The following DIXDC1 variants were observed in gnomAD, a reference collection of about 807,000 sequenced individuals.
DIXDC1 encodes dixin.
In DIXDC1, 64 loss-of-function variants were observed where a neutral mutation model predicts 103.1. That is an observed-to-expected ratio of 0.62 (90% CI 0.51 to 0.76). The LOEUF (loss-of-function observed/expected upper bound fraction) is 0.76, where lower values mean the gene tolerates loss of function less well. Ranked by LOEUF, DIXDC1 falls within the 30% of genes least tolerant of loss-of-function variation. The probability of loss-of-function intolerance (pLI) is 0.00; values close to 1 mark genes in which losing one functional copy is unlikely to be tolerated. For missense variants in DIXDC1, 759 were observed against 834.2 expected (o/e 0.91, Z 1.11); for synonymous variants, 266 against 298.5 (o/e 0.89, Z 1.12).
chr11:111,945,968 G>A (rs1272769092), intron 1 of DIXDC1, among the ~76,000 whole-genome samples: 1 of 131,218 alleles, frequency 7.6e-6, no homozygotes, highest in Non-Finnish European at 1.5e-5. Context: ...ATGGAGTCTC[G>A]TTCTGTCGCT....
chr11:112,016,349 A>G (rs1465977915), intron 17 of DIXDC1, among the ~76,000 whole-genome samples: 5 of 152,178 alleles, frequency 3.3e-5, no homozygotes, highest in African/African-American at 7.2e-5. Flanking sequence ...AAATATTGGC[A>G]GAGTCTACAG....
chr11:111,959,665 C>T (rs1859506846), intron 1 of DIXDC1, among the ~76,000 whole-genome samples: 2 of 152,224 alleles, frequency 1.3e-5, no homozygotes, highest in South Asian at 2.1e-4. Flanking sequence ...CAAAGTGACA[C>T]TCAAGGATCC....
At chr11:111,960,542 C>T (rs587642833) in intron 1 of DIXDC1, among the ~76,000 whole-genome samples, 6 of 149,486 alleles carry the variant, frequency 4.0e-5, no homozygotes, top group Admixed American at 2.7e-4. Flanking sequence ...TGCAGTGAGC[C>T]GAGATCATGC....
In DIXDC1 at chr11:112,021,669, A is replaced by G. The variant is rs1158707689; in HGVS notation, c.*2633A>G. ...AAAAACGAGTTTAGTTGAATGCTCA[A>G]TTCCTTACAAAATCTTCATTTAAGG... On this transcript the variant is annotated 3_prime_UTR_variant, in exon 20 of 20. Coordinates refer to ENST00000440460, the MANE Select transcript of DIXDC1 (RefSeq NM_001037954.4). The G allele has an allele frequency of 3.9e-5, 6 of 152,226 alleles. No individual in the cohort carries two copies. The highest frequency in any genetic ancestry group is 9.6e-5 in the African/African-American group (4 of 41,462). 9.4% of individuals were successfully genotyped at this position (152,226 alleles called of 1,614,324 possible). A position where few individuals can be genotyped will look rare whatever the true frequency, so the allele number is the denominator to read the frequency against.
intron 17 of DIXDC1, among the ~76,000 whole-genome samples, chr11:112,002,871 A>T (rs1370277709): frequency 6.6e-6 from 1 of 152,192 alleles, no homozygotes; most frequent in Non-Finnish European, 1.5e-5. Context: ...TATAGAAAAA[A>T]ATATATATAT....
At chr11:111,988,934 G>A (rs369065607) in intron 9 of DIXDC1, 71 bp from the exon 10 acceptor site, 25 of 1,344,848 alleles carry the variant, frequency 1.9e-5, no homozygotes, top group Middle Eastern at 1.8e-4. Context: ...TCCTCTTGCC[G>A]ACAGAATGAG....
At chr11:111,968,191 T>C (rs1217699864) in intron 2 of DIXDC1, among the ~76,000 whole-genome samples, 2 of 152,214 alleles carry the variant, frequency 1.3e-5, no homozygotes, top group African/African-American at 4.8e-5. Flanking sequence ...AGGGACTTTA[T>C]TGTTCTTTTT....
chr11:111,930,473 G>T (rs587630473), intron 2 of DIXDC1, among the ~76,000 whole-genome samples: 2 of 152,118 alleles, frequency 1.3e-5, no homozygotes, highest in Admixed American at 1.3e-4. Context: ...TAGAGATGGG[G>T]TTTCACTGTG....
chr11:111,995,599 G>A (rs1860872542), intron 16 of DIXDC1, 35 bp downstream of exon 16: 2 of 1,607,090 alleles, frequency 1.2e-6, no homozygotes, highest in South Asian at 1.1e-5. Flanking sequence ...TCTTAGGCAA[G>A]CTCCTGAGAA....
At chr11:111,957,429 A>G (rs922090739) in intron 1 of DIXDC1, among the ~76,000 whole-genome samples, 2 of 152,230 alleles carry the variant, frequency 1.3e-5, no homozygotes, top group Non-Finnish European at 1.5e-5. Flanking sequence ...CAAAGGGAAA[A>G]AGAGCAACTT....
chr11:111,931,675 G>A (rs1555167687), intron 2 of DIXDC1, among the ~76,000 whole-genome samples: 1 of 152,008 alleles, frequency 6.6e-6, no homozygotes, highest in African/African-American at 2.4e-5. Context: ...ATTAAAAAAA[G>A]ACTACATCAA....
Position 112,019,040 on chromosome 11 carries a change from C to A in DIXDC1, c.*4C>A, listed in dbSNP as rs1260247548. On this transcript the variant is annotated 3_prime_UTR_variant, in exon 20 of 20. Coordinates refer to ENST00000440460, the MANE Select transcript of DIXDC1 (RefSeq NM_001037954.4). The stretch of plus-strand genomic sequence containing the variant: ...AGAAGACCATGGAGAGAATTAATGC[C>A]AAGTATCAGATTGAGGGCTTATGGA... 1.9e-6 allele frequency: 3 copies of A among 1,611,658 alleles called. No homozygotes were observed. Among genetic ancestry groups the A allele is most frequent in the South Asian group, 1.1e-5 (1 of 90,914 alleles).
chr11:111,934,876 A>C (rs1037849454), upstream of DIXDC1, among the ~76,000 whole-genome samples: 3 of 152,252 alleles, frequency 2.0e-5, no homozygotes, highest in Non-Finnish European at 4.4e-5. Flanking sequence ...AATAGAATGA[A>C]TATTTTGAAA....
intron 10 of DIXDC1, 42 bp from the exon 11 acceptor site, chr11:111,992,373 G>A: frequency 6.7e-7 from 1 of 1,498,364 alleles, no homozygotes; most frequent in Non-Finnish European, 9.1e-7. Context: ...CTGGCTGATT[G>A]ATGAACTGAG....
chr11:112,017,584 CT>C lies in DIXDC1; in HGVS notation c.1863-192del. On this transcript the variant is annotated intron_variant, in intron 18 of 19. Transcript: ENST00000440460. The surrounding 1 kb of genome is among the most constrained non-coding windows in gnomAD (Gnocchi z 4.0). ...TTCTCACATCACCCCATATTTAATA[CT>C]GTTTTCATTCCCTAGTGATGACTGG... 2.4e-6 allele frequency: 1 copy of C among 408,514 alleles called. No homozygotes were observed. The highest frequency in any genetic ancestry group is 4.5e-6 in the Non-Finnish European group (1 of 223,316). The allele number at this position is 408,514 out of a possible 1,614,324, so 25.3% of individuals were successfully genotyped here.
At chr11:112,013,634 C>A (rs73561938) in intron 17 of DIXDC1, among the ~76,000 whole-genome samples, 5 of 152,046 alleles carry the variant, frequency 3.3e-5, no homozygotes, top group Non-Finnish European at 7.3e-5. Context: ...CTTTTATATA[C>A]CCTATGTTCA....
chr11:111,954,295 T>C (rs1966869162), intron 1 of DIXDC1, among the ~76,000 whole-genome samples: 9 of 152,076 alleles, frequency 5.9e-5, no homozygotes, highest in Admixed American at 5.9e-4. Flanking sequence ...ACATGCACAG[T>C]TCACAATAGG....
In DIXDC1 at chr11:111,952,230, C is replaced by T. The variant is rs587743444; in HGVS notation, c.61-12319C>T. Reference sequence around the variant, plus strand: ...TCAGCAGCGTGAACACAGACTAATACAATGTTCTTGAGTAGGATGATTCAA... The same window carrying T: ...TCAGCAGCGTGAACACAGACTAATATAATGTTCTTGAGTAGGATGATTCAA... On this transcript the variant is annotated intron_variant, in intron 1 of 19. Transcript: ENST00000440460. Among the ~76,000 whole-genome samples the T allele has an allele frequency of 4.9e-4, 75 of 152,268 alleles. No individual in the cohort carries two copies. In the Middle Eastern group the frequency reaches 0.01, roughly 21 times the overall value.
chr11:111,988,314 G>A (rs868965473), intron 9 of DIXDC1, among the ~76,000 whole-genome samples: 2 of 152,142 alleles, frequency 1.3e-5, no homozygotes, highest in African/African-American at 4.8e-5. Context: ...AGCAACTTTT[G>A]AGCCCATCTG....
Sources: allele counts gnomAD v4.1 joint callset (sites outside exome capture counted in the v4.1 genomes callset), GRCh38; gene constraint gnomAD v4.1.1; non-coding constraint Gnocchi (gnomAD v3.1); transcripts MANE v1.5; gene names NCBI Gene and HGNC (gene_info 2026-07-23, HGNC 2026-07-21).